Variants in RHBDD1 observed in about 807,000 individuals in gnomAD.
RHBDD1 encodes the protein rhomboid domain containing 1.
In RHBDD1, 38 loss-of-function variants were observed where a neutral mutation model predicts 36.3. That is an observed-to-expected ratio of 1.05 (90% CI 0.81 to 1.37). RHBDD1 has a LOEUF of 1.37. RHBDD1 is among the 40% of genes most tolerant of loss of function. The probability of loss-of-function intolerance (pLI) is 0.00; values close to 1 mark genes in which losing one functional copy is unlikely to be tolerated. For synonymous variants in RHBDD1, 151 were observed against 136.5 expected (o/e 1.11, Z -0.74); for missense variants, 393 against 377.6 (o/e 1.04, Z -0.34).
the RHBDD1 span, among the ~76,000 whole-genome samples, chr2:226,803,859 G>A: frequency 6.6e-6 from 1 of 152,166 alleles, no homozygotes; most frequent in African/African-American, 2.4e-5. Flanking sequence ...CTAGATCAGG[G>A]CTTCTCAAAC....
chr2:226,883,712 G>C (rs1945973499), intron 5 of RHBDD1, among the ~76,000 whole-genome samples: 1 of 152,110 alleles, frequency 6.6e-6, no homozygotes, highest in South Asian at 2.1e-4. Context: ...TACTATGTTG[G>C]ATGTCCCAGA....
chr2:226,877,947 A>G (rs1027616191), intron 5 of RHBDD1, among the ~76,000 whole-genome samples: 2 of 152,026 alleles, frequency 1.3e-5, no homozygotes, highest in African/African-American at 4.8e-5. Flanking sequence ...CTTTTGTGCC[A>G]TTAGTGTAAA....
intron 5 of RHBDD1, among the ~76,000 whole-genome samples, chr2:226,899,607 C>G (rs1205454776): frequency 1.3e-5 from 2 of 152,010 alleles, no homozygotes; most frequent in African/African-American, 2.4e-5. Context: ...GACAGTATGT[C>G]CAAAATAAAG....
intron 8 of RHBDD1, among the ~76,000 whole-genome samples, chr2:226,941,924 T>A (rs1362315293): frequency 2.0e-5 from 3 of 152,170 alleles, no homozygotes; most frequent in African/African-American, 7.2e-5. Flanking sequence ...AATAAATATT[T>A]TAAATTATTT....
chr2:226,966,185 T>C (rs1952615508), intron 8 of RHBDD1, among the ~76,000 whole-genome samples: 1 of 152,194 alleles, frequency 6.6e-6, no homozygotes, highest in Non-Finnish European at 1.5e-5. Flanking sequence ...CCTAAATAAA[T>C]AGATCCTTGA....
At chr2:226,858,736 GCTTAGTCTTT>G (rs1183599290) in intron 3 of RHBDD1, among the ~76,000 whole-genome samples, 1 of 152,016 alleles carries the variant, frequency 6.6e-6, no homozygotes, top group African/African-American at 2.4e-5. Context: ...TGTTCTAGCT[GCTTAGTCTTT>G]CTTATTACAT....
intron 8 of RHBDD1, among the ~76,000 whole-genome samples, chr2:226,933,746 A>T (rs904460975): frequency 1.3e-5 from 2 of 152,106 alleles, no homozygotes; most frequent in Non-Finnish European, 2.9e-5. Flanking sequence ...TGTAGCATTT[A>T]TGTTTTTTAT....
At chr2:226,822,835 G>C in the RHBDD1 span, among the ~76,000 whole-genome samples, 1 of 151,866 alleles carries the variant, frequency 6.6e-6, no homozygotes, top group Non-Finnish European at 1.5e-5. Context: ...CTTCTAAAGA[G>C]GCCTGAGGGG....
chr2:226,857,118 T>C (rs1206823166), intron 3 of RHBDD1, among the ~76,000 whole-genome samples: 1 of 151,708 alleles, frequency 6.6e-6, no homozygotes, highest in African/African-American at 2.4e-5. Context: ...TGTGTGTGTT[T>C]GGGTACACGT....
chr2:226,984,422 C>G (rs1435580112), intron 8 of RHBDD1, among the ~76,000 whole-genome samples: 3 of 152,208 alleles, frequency 2.0e-5, no homozygotes, highest in African/African-American at 7.2e-5. Context: ...AAGCTCTGGC[C>G]TCTTCATTCC....
chr2:226,992,717 G>C (rs553283578), intron 8 of RHBDD1, among the ~76,000 whole-genome samples: 81 of 152,322 alleles, frequency 5.3e-4, no homozygotes, highest in Non-Finnish European at 9.7e-4. Context: ...TATCCATGAA[G>C]AAAAGGGACA....
chr2:226,821,880 T>C, the RHBDD1 span, among the ~76,000 whole-genome samples: 17 of 152,216 alleles, frequency 1.1e-4, no homozygotes, highest in South Asian at 2.1e-4. Context: ...TAATATGCTA[T>C]TTACGTTTTA....
intron 8 of RHBDD1, among the ~76,000 whole-genome samples, chr2:226,917,551 T>C (rs1949001846): frequency 6.6e-6 from 1 of 151,982 alleles, no homozygotes; most frequent in African/African-American, 2.4e-5. Flanking sequence ...AAAATCTAGC[T>C]TCTACTTTGT....
intron 8 of RHBDD1, among the ~76,000 whole-genome samples, chr2:226,969,989 T>TCC (rs34121580): frequency 0.017 from 1,940 of 111,914 alleles, 35 homozygotes; most frequent in African/African-American, 0.05. Context: ...TTTACAACTG[T>TCC]CCCCCCCCCC....
At chr2:226,946,955 A>G (rs1208667657) in intron 8 of RHBDD1, among the ~76,000 whole-genome samples, 1 of 152,176 alleles carries the variant, frequency 6.6e-6, no homozygotes, top group Non-Finnish European at 1.5e-5. Flanking sequence ...CATAAACAGA[A>G]CCAATGACAA....
rs60274987 is a variant in RHBDD1, at chr2:226,856,743, C to T, written c.-90-7861C>T. Among the ~76,000 whole-genome samples, 684 of 152,262 alleles carry T rather than the reference C, an allele frequency of 4.5e-3. 14 individuals carry two copies. The East Asian group carries it at 0.078, about 17-fold the overall frequency. On this transcript the variant is annotated intron_variant, in intron 3 of 8. Transcript: ENST00000392062. The stretch of plus-strand genomic sequence containing the variant: ...CCACGTTAATGCGCTATTTGTGATG[C>T]ACTAATTTGCTGTCTAGCTCTTGTA...
At chr2:226,911,276 A>T (rs1343013183) in intron 7 of RHBDD1, among the ~76,000 whole-genome samples, 1 of 152,094 alleles carries the variant, frequency 6.6e-6, no homozygotes, top group Non-Finnish European at 1.5e-5. Context: ...CTTACATAAC[A>T]GAATGGCTTT....
At chr2:226,965,949 C>T (rs1302980992) in intron 8 of RHBDD1, among the ~76,000 whole-genome samples, 2 of 151,936 alleles carry the variant, frequency 1.3e-5, no homozygotes, top group African/African-American at 4.8e-5. Context: ...GCCGATATCA[C>T]TGATGAACAT....
At chr2:226,920,196 G>T (rs1372479658) in intron 8 of RHBDD1, among the ~76,000 whole-genome samples, 1 of 151,868 alleles carries the variant, frequency 6.6e-6, no homozygotes, top group Non-Finnish European at 1.5e-5. Flanking sequence ...TTTTCAGATT[G>T]TTTGCTGTTA....
Sources: gnomAD v4.1 joint callset for allele counts (sites outside exome capture counted in the v4.1 genomes callset) on GRCh38, gnomAD v4.1.1 for gene constraint, MANE v1.5 for transcripts, NCBI Gene and HGNC (gene_info 2026-07-23, HGNC 2026-07-21) for gene names.